L3MBTL4: variants seen among roughly 807,000 people sequenced by gnomAD.
The protein encoded by L3MBTL4 is L3MBTL histone methyl-lysine binding protein 4, also known as lethal(3)malignant brain tumor-like protein 4.
A neutral mutation model predicts 84.5 loss-of-function variants in L3MBTL4; 70 were observed. The observed-to-expected ratio is 0.83, with a 90% CI of 0.68 to 1.01. The LOEUF is 1.01. L3MBTL4 is among the 50% of genes least tolerant of loss of function. The pLI is 0.00. For missense variants in L3MBTL4, 715 were observed against 754.8 expected, an observed-to-expected ratio of 0.95 and a Z score of 0.62; for synonymous variants, 274 against 259.8, an observed-to-expected ratio of 1.05 and a Z score of -0.52.
intron 16 of L3MBTL4, among the ~76,000 whole-genome samples, chr18:5,998,276 CT>C (rs1158182148): frequency 9.9e-5 from 15 of 152,186 alleles, no homozygotes; most frequent in Admixed American, 9.2e-4. Context: ...GTGTAACAAA[CT>C]GCTGCCATAG....
At chr18:5,960,037 T>TAC (rs373741127) in intron 18 of L3MBTL4, 57 bp downstream of exon 18, 2 of 222,920 alleles carry the variant, frequency 9.0e-6, no homozygotes, top group Non-Finnish European at 1.4e-5. Flanking sequence ...TATATATATA[T>TAC]ACACACACAT....
chr18:6,091,615 C>T (rs1034599467), intron 15 of L3MBTL4, among the ~76,000 whole-genome samples: 11 of 152,084 alleles, frequency 7.2e-5, no homozygotes, highest in South Asian at 2.1e-4. Context: ...TAATAAAGCA[C>T]GTAACAATTA....
intron 12 of L3MBTL4, among the ~76,000 whole-genome samples, chr18:6,211,991 A>C (rs1217216378): frequency 1.3e-5 from 2 of 152,234 alleles, no homozygotes; most frequent in Non-Finnish European, 2.9e-5. Flanking sequence ...CACTGAATTA[A>C]CAAAGCAATT....
chr18:6,346,533 G>C (rs1443384432), intron 1 of L3MBTL4, among the ~76,000 whole-genome samples: 2 of 151,974 alleles, frequency 1.3e-5, no homozygotes, highest in African/African-American at 4.8e-5. Flanking sequence ...ATTGGGCAAA[G>C]GTCTTGAACA....
At position 5,969,293 on chromosome 18, in the gene L3MBTL4, G is replaced by C. The variant is rs511627; in HGVS notation, c.1614+100C>G. On this transcript the variant is annotated intron_variant, in intron 17 of 18. Coordinates refer to ENST00000317931, the MANE Select transcript of L3MBTL4 (RefSeq NM_001330559.2). ...CAGATGCGATGCCTAAGAGAAAAAGGGCGCTGTCCCAGACATCAAAGAATG... is the reference window on the plus strand; with the variant it reads ...CAGATGCGATGCCTAAGAGAAAAAGCGCGCTGTCCCAGACATCAAAGAATG... 31,309 of 1,310,706 alleles carry C rather than the reference G, an allele frequency of 0.024. 4,045 individuals carry two copies. In the African/African-American group the frequency reaches 0.33, roughly 14 times the overall value. The allele number at this position is 1,310,706 out of a possible 1,614,324, so 81.2% of individuals were successfully genotyped here. A position where few individuals can be genotyped will look rare whatever the true frequency, so the allele number is the denominator to read the frequency against.
intron 16 of L3MBTL4, among the ~76,000 whole-genome samples, chr18:6,016,264 G>A (rs1446522568): frequency 6.6e-6 from 1 of 152,216 alleles, no homozygotes; most frequent in Non-Finnish European, 1.5e-5. Flanking sequence ...TCAGATGGAG[G>A]TGGACTTTGA....
intron 15 of L3MBTL4, among the ~76,000 whole-genome samples, chr18:6,090,683 A>T (rs2143585642): frequency 6.6e-6 from 1 of 150,908 alleles, no homozygotes; most frequent in African/African-American, 2.4e-5. Context: ...GCTAGAATGC[A>T]ATGGTGTGAT....
intron 16 of L3MBTL4, among the ~76,000 whole-genome samples, chr18:6,022,877 T>C (rs1420884055): frequency 1.3e-5 from 2 of 152,232 alleles, no homozygotes; most frequent in African/African-American, 4.8e-5. Flanking sequence ...CTGCTGTTAG[T>C]CCTCAGGCAG....
At chr18:6,331,395 A>G (rs994011819) in intron 1 of L3MBTL4, among the ~76,000 whole-genome samples, 2 of 152,164 alleles carry the variant, frequency 1.3e-5, no homozygotes, top group Non-Finnish European at 2.9e-5. Context: ...CTACCCAGCA[A>G]TGCAGAAAGC....
intron 16 of L3MBTL4, among the ~76,000 whole-genome samples, chr18:6,023,849 T>C (rs1489308422): frequency 6.6e-6 from 1 of 151,670 alleles, no homozygotes; most frequent in African/African-American, 2.4e-5. Flanking sequence ...GTTCGTGCAG[T>C]GTTTCAGTGG....
chr18:6,211,445 C>G (rs2046099698), intron 12 of L3MBTL4, among the ~76,000 whole-genome samples: 1 of 152,008 alleles, frequency 6.6e-6, no homozygotes, highest in Non-Finnish European at 1.5e-5. Context: ...ACAATATGAT[C>G]AACACGTTAA....
chr18:6,180,840 T>C (rs2044436250), intron 12 of L3MBTL4, among the ~76,000 whole-genome samples: 2 of 152,306 alleles, frequency 1.3e-5, no homozygotes, highest in Admixed American at 1.3e-4. Context: ...CCAATGTTCA[T>C]GGCAACAGCA....
chr18:6,007,841 T>A (rs2145349248), intron 16 of L3MBTL4, among the ~76,000 whole-genome samples: 1 of 152,254 alleles, frequency 6.6e-6, no homozygotes, highest in South Asian at 2.1e-4. Flanking sequence ...GATATACTGT[T>A]ATGTGAAAAA....
intron 7 of L3MBTL4, among the ~76,000 whole-genome samples, chr18:6,242,696 G>T (rs981938212): frequency 6.6e-6 from 1 of 152,198 alleles, no homozygotes; most frequent in Non-Finnish European, 1.5e-5. Context: ...ACAGAAGTTT[G>T]CTGTGCAAAG....
chr18:6,236,466 G>T (rs1186906933), intron 10 of L3MBTL4, among the ~76,000 whole-genome samples: 2 of 152,226 alleles, frequency 1.3e-5, no homozygotes, highest in South Asian at 2.1e-4. Context: ...CTCACACAAC[G>T]CCAAGAGACT....
At chr18:6,090,015 G>T (rs2058388158) in intron 15 of L3MBTL4, among the ~76,000 whole-genome samples, 1 of 152,058 alleles carries the variant, frequency 6.6e-6, no homozygotes, top group South Asian at 2.1e-4. Flanking sequence ...AACTATAAAT[G>T]GTTAAATGGA....
At chr18:6,337,214 G>C (rs952600825) in intron 1 of L3MBTL4, among the ~76,000 whole-genome samples, 2 of 151,958 alleles carry the variant, frequency 1.3e-5, no homozygotes, top group African/African-American at 2.4e-5. Context: ...CTAATGAATC[G>C]ACCTTTGAAG....
At chr18:6,370,237 C>T (rs1485501270) in intron 1 of L3MBTL4, among the ~76,000 whole-genome samples, 8 of 152,022 alleles carry the variant, frequency 5.3e-5, no homozygotes, top group African/African-American at 1.7e-4. Flanking sequence ...GTCTTCCTCT[C>T]TTGCTTGTGC....
chr18:6,088,861 C>T (rs2058345697), intron 15 of L3MBTL4, among the ~76,000 whole-genome samples: 1 of 152,064 alleles, frequency 6.6e-6, no homozygotes, highest in Non-Finnish European at 1.5e-5. Context: ...TTCTGATTAC[C>T]ACAATTTTCC....
Sources: gnomAD v4.1 joint callset for allele counts (sites outside exome capture counted in the v4.1 genomes callset) on GRCh38, gnomAD v4.1.1 for gene constraint, MANE v1.5 for transcripts, NCBI Gene and HGNC (gene_info 2026-07-23, HGNC 2026-07-21) for gene names.